The following WDFY1 variants were observed in gnomAD, a reference collection of about 807,000 sequenced individuals.
WDFY1 encodes the protein WD repeat and FYVE domain-containing protein 1.
WDFY1 carries 32 observed loss-of-function variants against 56.4 expected under a neutral mutation model. That is an observed-to-expected ratio of 0.57 (90% confidence interval 0.43 to 0.76). The LOEUF is 0.76. Ranked by LOEUF, WDFY1 falls within the 30% of genes least tolerant of loss-of-function variation. The pLI, the probability that WDFY1 is intolerant of heterozygous loss-of-function variation, is 0.00. For synonymous variants in WDFY1, 192 were observed against 197.3 expected, an observed-to-expected ratio of 0.97 and a Z score of 0.23; for missense variants, 480 against 545.7, an observed-to-expected ratio of 0.88 and a Z score of 1.20.
rs947135072 is a variant in WDFY1, at chr2:223,881,477, G to A, written c.1064+465C>T. 2.8e-4 allele frequency among the ~76,000 whole-genome samples: 42 copies of A among 152,150 alleles called. 1 individual carries two copies. Among genetic ancestry groups the A allele is most frequent in the Non-Finnish European group, 1.5e-5 (1 of 68,026 alleles). ...GTCATGGTCTTAAGTCATAAAGCTA[G>A]GGCAGGTCCTCTCTTCAAAAATGGC... On this transcript the variant is annotated intron_variant, in intron 10 of 11. Coordinates refer to ENST00000233055, the MANE Select transcript of WDFY1 (RefSeq NM_020830.5).
At chr2:223,927,794 C>G (rs1694010290) in intron 1 of WDFY1, among the ~76,000 whole-genome samples, 1 of 152,172 alleles carries the variant, frequency 6.6e-6, no homozygotes. Flanking sequence ...TTAATCATTT[C>G]TAACGTTTGA....
chr2:223,894,417 C>T, intron 7 of WDFY1, 78 bp from the exon 8 acceptor site: 1 of 1,437,572 alleles, frequency 7.0e-7, no homozygotes, highest in Non-Finnish European at 9.7e-7. Context: ...GCTCAAATTG[C>T]TCTCCTCATT....
chr2:223,881,822 T>C, intron 10 of WDFY1, 120 bp downstream of exon 10: 1 of 1,364,424 alleles, frequency 7.3e-7, no homozygotes, highest in East Asian at 2.5e-5. Flanking sequence ...GCTTAGGAAA[T>C]TCAGGAGAAA....
intron 1 of WDFY1, among the ~76,000 whole-genome samples, chr2:223,930,430 G>A (rs1172779137): frequency 2.6e-5 from 4 of 152,146 alleles, no homozygotes; most frequent in African/African-American, 9.7e-5. Context: ...ACCGGGTTCA[G>A]GCGATTCTCT....
intron 3 of WDFY1, among the ~76,000 whole-genome samples, chr2:223,911,744 G>T (rs1693706776): frequency 6.6e-6 from 1 of 152,028 alleles, no homozygotes; most frequent in South Asian, 2.1e-4. Context: ...ACAGCATTCT[G>T]AGCTCCAAGG....
intron 4 of WDFY1, among the ~76,000 whole-genome samples, chr2:223,902,280 A>G (rs1693519245): frequency 6.6e-6 from 1 of 152,228 alleles, no homozygotes; most frequent in African/African-American, 2.4e-5. Context: ...TCTTAAATTC[A>G]GCTGGGCACA....
chr2:223,916,362 T>C (rs1182679803), intron 2 of WDFY1, among the ~76,000 whole-genome samples: 1 of 152,228 alleles, frequency 6.6e-6, no homozygotes, highest in Non-Finnish European at 1.5e-5. Flanking sequence ...AATAACTGGC[T>C]GCTCTGTCTT....
intron 8 of WDFY1, among the ~76,000 whole-genome samples, chr2:223,889,763 C>A (rs1280093661): frequency 6.6e-6 from 1 of 152,178 alleles, no homozygotes; most frequent in Non-Finnish European, 1.5e-5. Context: ...GTAGTATATA[C>A]CTCATAAGGT....
At chr2:223,915,021 G>A (rs556477627) in intron 2 of WDFY1, among the ~76,000 whole-genome samples, 18 of 152,242 alleles carry the variant, frequency 1.2e-4, no homozygotes, top group South Asian at 1.0e-3. Context: ...GATAATCTGC[G>A]GATAGCTTTT....
rs1366622014 is a variant in WDFY1, at chr2:223,903,538, AC to A, written c.335-2206del. 6.6e-3 allele frequency among the ~76,000 whole-genome samples: 870 copies of A among 131,474 alleles called. 8 individuals are homozygous for A. Among genetic ancestry groups the A allele is most frequent in the African/African-American group, 0.022 (799 of 36,162 alleles). The allele number at this position is 131,474 out of a possible 152,430, so 86.3% of individuals were successfully genotyped here. A position where few individuals can be genotyped will look rare whatever the true frequency, so the allele number is the denominator to read the frequency against. ...GCTCTTTCTCAAAAAACAAAACAAAACAAAAAAAAACCTTTGACAACCAAAA... is the reference window on the plus strand; with the variant it reads ...GCTCTTTCTCAAAAAACAAAACAAAAAAAAAAAAACCTTTGACAACCAAAA... On this transcript the variant is annotated intron_variant, in intron 4 of 11. Coordinates refer to ENST00000233055, the MANE Select transcript of WDFY1 (RefSeq NM_020830.5).
intron 2 of WDFY1, among the ~76,000 whole-genome samples, chr2:223,912,889 A>G (rs1395379940): frequency 2.6e-5 from 4 of 152,222 alleles, no homozygotes; most frequent in African/African-American, 9.6e-5. Flanking sequence ...AGTTTCAGAA[A>G]GGAGAAATTC....
chr2:223,945,299 T>G lies in WDFY1; in HGVS notation c.-15A>C, dbSNP rs767451686. 1.3e-6 allele frequency: 2 copies of G among 1,559,632 alleles called. No individual in the cohort carries two copies. The highest frequency in any genetic ancestry group is 2.3e-5 in the South Asian group (2 of 87,196). On this transcript the variant is annotated 5_prime_UTR_variant, in exon 1 of 12. Transcript: ENST00000233055. ...TCGGCCGCCATGTTCGCGCGGCGAC[T>G]GCTGCGGCCTCCTCGGCAGGCAGCC...
At chr2:223,899,172 C>CA in intron 5 of WDFY1, 102 bp from the exon 6 acceptor site, 1 of 906,598 alleles carries the variant, frequency 1.1e-6, no homozygotes, top group Non-Finnish European at 1.8e-6. Context: ...AGTTAGAAAA[C>CA]ATGCATTTTA....
chr2:223,883,890 C>T (rs1211690124), intron 9 of WDFY1, among the ~76,000 whole-genome samples: 1 of 152,130 alleles, frequency 6.6e-6, no homozygotes, highest in Non-Finnish European at 1.5e-5. Context: ...GGGTGATCCA[C>T]CTGCCTCGGC....
At chr2:223,936,439 CTAGT>C (rs1379312628) in intron 1 of WDFY1, among the ~76,000 whole-genome samples, 1 of 152,064 alleles carries the variant, frequency 6.6e-6, no homozygotes, top group African/African-American at 2.4e-5. Flanking sequence ...CAATAAAAGC[CTAGT>C]TAAAGATAGG....
At chr2:223,933,701 T>C (rs895032460) in intron 1 of WDFY1, among the ~76,000 whole-genome samples, 6 of 151,692 alleles carry the variant, frequency 4.0e-5, no homozygotes, top group Admixed American at 6.6e-5. Flanking sequence ...ACACGTCTGT[T>C]ATCCCAGCTA....
intron 8 of WDFY1, among the ~76,000 whole-genome samples, chr2:223,887,469 C>T (rs555947011): frequency 2.0e-5 from 3 of 152,258 alleles, no homozygotes; most frequent in South Asian, 2.1e-4. Flanking sequence ...AGTTTGTTCC[C>T]GTTTATACTT....
At chr2:223,907,346 G>T (rs773079782) in intron 3 of WDFY1, among the ~76,000 whole-genome samples, 3 of 152,078 alleles carry the variant, frequency 2.0e-5, no homozygotes, top group African/African-American at 7.2e-5. Flanking sequence ...CAGAGTGAGG[G>T]GGGAAAAAAG....
At chr2:223,914,367 G>C (rs960616647) in intron 2 of WDFY1, among the ~76,000 whole-genome samples, 7 of 152,166 alleles carry the variant, frequency 4.6e-5, no homozygotes, top group African/African-American at 1.7e-4. Flanking sequence ...GATCACACCA[G>C]AAGGCCAAAT....
Sources: allele counts gnomAD v4.1 joint callset (sites outside exome capture counted in the v4.1 genomes callset), GRCh38; gene constraint gnomAD v4.1.1; transcripts MANE v1.5; gene names NCBI Gene and HGNC (gene_info 2026-07-23, HGNC 2026-07-21).